The following RASGRF1 variants were observed in gnomAD, a reference collection of about 807,000 sequenced individuals.
The protein encoded by RASGRF1 is ras-specific guanine nucleotide-releasing factor 1.
Under a neutral mutation model 138.7 loss-of-function variants are expected in RASGRF1, and 40 were observed. The ratio of observed to expected loss-of-function variants is 0.29; its 90% CI spans 0.22 to 0.38. The LOEUF (loss-of-function observed/expected upper bound fraction) is 0.38. RASGRF1 is among the 10% of genes least tolerant of loss of function. The probability of loss-of-function intolerance (pLI) is 1.00; values close to 1 mark genes in which losing one functional copy is unlikely to be tolerated. For missense variants in RASGRF1, 1,108 were observed against 1,650.4 expected (o/e 0.67, Z 5.69); for synonymous variants, 614 against 663.2 (o/e 0.93, Z 1.14).
At chr15:79,058,214 G>C in intron 3 of RASGRF1, 120 bp downstream of exon 3, 1 of 1,439,420 alleles carries the variant, frequency 6.9e-7, no homozygotes. Context: ...TTTGGAGTCT[G>C]GAAGAACTGC....
chr15:79,082,881 C>G (rs940809431), intron 1 of RASGRF1, among the ~76,000 whole-genome samples: 1 of 152,158 alleles, frequency 6.6e-6, no homozygotes, highest in Non-Finnish European at 1.5e-5. Context: ...CTGCGAGAGA[C>G]CCCAGGGACC....
intron 10 of RASGRF1, among the ~76,000 whole-genome samples, chr15:79,024,930 A>ACACCGCATATACACATACACACT: frequency 6.6e-6 from 1 of 151,914 alleles, no homozygotes; most frequent in Non-Finnish European, 1.5e-5. Flanking sequence ...ACATACACAC[A>ACACCGCATATACACATACACACT]CACCACATAT....
At chr15:79,085,765 C>T (rs571990908) in intron 1 of RASGRF1, among the ~76,000 whole-genome samples, 6 of 152,220 alleles carry the variant, frequency 3.9e-5, no homozygotes, top group Admixed American at 6.5e-5. Flanking sequence ...GAGGCGAGCT[C>T]CCTACTCAAC....
At chr15:78,962,562 A>G (rs114446376) in intron 26 of RASGRF1, among the ~76,000 whole-genome samples, 1,731 of 152,304 alleles carry the variant, frequency 0.011, 26 homozygotes, top group African/African-American at 0.036. Flanking sequence ...GTCTGTCACA[A>G]TTCTGTCAGT....
chr15:79,005,382 A>G (rs2056647371), intron 14 of RASGRF1: 1 of 985,082 alleles, frequency 1.0e-6, no homozygotes, highest in Admixed American at 6.2e-5. Context: ...TGTCTTGCCT[A>G]GGGTGTTTTG....
chr15:79,040,588 C>T (rs1273959380), intron 5 of RASGRF1, among the ~76,000 whole-genome samples: 2 of 152,164 alleles, frequency 1.3e-5, no homozygotes, highest in Admixed American at 6.5e-5. Context: ...AGGCCATTCC[C>T]TTTGCTCTCA....
intron 14 of RASGRF1, chr15:79,005,668 C>T: frequency 1.0e-6 from 1 of 984,116 alleles, no homozygotes; most frequent in Non-Finnish European, 1.2e-6. Flanking sequence ...AGGGCTCCAT[C>T]ATTTCTTAGA....
At chr15:79,074,408 C>T (rs142236331) in intron 1 of RASGRF1, among the ~76,000 whole-genome samples, 1 of 152,310 alleles carries the variant, frequency 6.6e-6, no homozygotes, top group East Asian at 1.9e-4. Context: ...TCTTATAGTC[C>T]AGAGATACAT....
In RASGRF1 at chr15:79,003,451, C is replaced by G. The variant is rs533462323; in HGVS notation, c.2449+351G>C. ...CTCCCGGGCCCTGAATGGGCCTGGC[C>G]CAGGCCCTGTCCTCTGCAGACATGG... On this transcript the variant is annotated intron_variant, in intron 15 of 26. Transcript: ENST00000558480. Among the ~76,000 whole-genome samples, 3 of 152,344 alleles carry G rather than the reference C, an allele frequency of 2.0e-5. No individual in the cohort carries two copies. The East Asian group carries it at 5.8e-4, about 29-fold the overall frequency.
At chr15:79,078,979 T>C (rs1371143747) in intron 1 of RASGRF1, among the ~76,000 whole-genome samples, 1 of 152,192 alleles carries the variant, frequency 6.6e-6, no homozygotes, top group African/African-American at 2.4e-5. Flanking sequence ...TGGGAGGAGA[T>C]TCAGGAAGTG....
intron 1 of RASGRF1, among the ~76,000 whole-genome samples, chr15:79,067,992 G>C (rs1277996138): frequency 2.0e-5 from 3 of 152,164 alleles, no homozygotes; most frequent in African/African-American, 7.2e-5. Flanking sequence ...CCAAACCTAT[G>C]TGCAGGAAAA....
rs138470826 is a variant in RASGRF1 at position 78,980,553 on chromosome 15, C to G, written c.3494+67G>C. ...CCTCCTGCTCTGGCTGGGGGCGGCA[C>G]GTGAATGCCTCTGCAATGCAGGTCT... is the stretch of plus-strand genomic sequence containing the variant. On this transcript the variant is annotated intron_variant, in intron 24 of 26. Coordinates refer to ENST00000558480, the MANE Select transcript of RASGRF1 (RefSeq NM_001145648.3). 3.0e-6 allele frequency: 4 copies of G among 1,326,848 alleles called. No individual in the cohort carries two copies. In the Admixed American group the frequency reaches 5.3e-5, roughly 17 times the overall value. The allele number at this position is 1,326,848 out of a possible 1,614,324, so 82.2% of individuals were successfully genotyped here.
intron 2 of RASGRF1, among the ~76,000 whole-genome samples, chr15:79,060,983 C>A (rs181804667): frequency 6.6e-6 from 1 of 152,032 alleles, no homozygotes; most frequent in Non-Finnish European, 1.5e-5. Context: ...TTGAATGAGA[C>A]TTTAAAAGCG....
intron 20 of RASGRF1, among the ~76,000 whole-genome samples, chr15:78,992,952 T>C (rs1675593714): frequency 6.6e-6 from 1 of 150,582 alleles, no homozygotes. Context: ...CCAGCCTAAG[T>C]GGTTCCAAGT....
In RASGRF1 at chr15:78,990,083, C is replaced by G; in HGVS notation, c.3216+106G>C. On this transcript the variant is annotated intron_variant, in intron 22 of 26. Coordinates refer to ENST00000558480, the MANE Select transcript of RASGRF1 (RefSeq NM_001145648.3). ...AGGGGTGGCAGGGCTGGAGAGGACC[C>G]AGGAGTCTGGTTCCAGCCAGGTGTA... 3 of 950,614 alleles carry G rather than the reference C, an allele frequency of 3.2e-6. No individual in the cohort carries two copies. The South Asian group carries it at 3.9e-5, about 12-fold the overall frequency. The allele number at this position is 950,614 out of a possible 1,614,324, so 58.9% of individuals were successfully genotyped here.
intron 8 of RASGRF1, among the ~76,000 whole-genome samples, chr15:79,028,508 C>T (rs1188727401): frequency 6.6e-6 from 1 of 152,066 alleles, no homozygotes; most frequent in East Asian, 1.9e-4. Flanking sequence ...TCCCCTATTT[C>T]GCTCTCCGAC....
intron 1 of RASGRF1, among the ~76,000 whole-genome samples, chr15:79,066,553 G>A (rs980075600): frequency 6.6e-6 from 1 of 152,240 alleles, no homozygotes; most frequent in African/African-American, 2.4e-5. Flanking sequence ...ACCACAGCAG[G>A]AGTGTTCTCC....
intron 8 of RASGRF1, among the ~76,000 whole-genome samples, chr15:79,028,650 G>C (rs1266134595): frequency 6.6e-6 from 1 of 152,154 alleles, no homozygotes; most frequent in Non-Finnish European, 1.5e-5. Context: ...GGAAGGTAGA[G>C]GGGAATTTGG....
chr15:79,065,045 G>A (rs535821606), intron 1 of RASGRF1, among the ~76,000 whole-genome samples: 5 of 152,326 alleles, frequency 3.3e-5, no homozygotes, highest in African/African-American at 1.2e-4. Context: ...GCCAACCATG[G>A]GCCCTGCCCC....
Sources: gnomAD v4.1 joint callset for allele counts (sites outside exome capture counted in the v4.1 genomes callset) on GRCh38, gnomAD v4.1.1 for gene constraint, MANE v1.5 for transcripts, NCBI Gene and HGNC (gene_info 2026-07-23, HGNC 2026-07-21) for gene names.